The following PAK2 variants were observed in gnomAD, a reference collection of about 807,000 sequenced individuals.
PAK2 encodes the protein serine/threonine-protein kinase PAK 2.
Under a neutral mutation model 65.9 loss-of-function variants are expected in PAK2, and 21 were observed. The observed-to-expected ratio is 0.32, with a 90% CI of 0.23 to 0.46. PAK2 has a LOEUF of 0.46. Ranked by LOEUF, PAK2 falls within the 20% of genes least tolerant of loss-of-function variation. The pLI, the probability that PAK2 is intolerant of heterozygous loss-of-function variation, is 1.00. For missense variants in PAK2, 324 were observed against 642.6 expected, an observed-to-expected ratio of 0.50 and a Z score of 5.36; for synonymous variants, 204 against 219.7, an observed-to-expected ratio of 0.93 and a Z score of 0.63.
intron 1 of PAK2, among the ~76,000 whole-genome samples, chr3:196,769,479 C>T (rs759833619): frequency 1.3e-5 from 2 of 151,858 alleles, no homozygotes; most frequent in Non-Finnish European, 2.9e-5. Flanking sequence ...ACCATCACCA[C>T]CATCCTTTTC....
At chr3:196,810,716 T>G in intron 8 of PAK2, 63 bp downstream of exon 8, 1 of 870,204 alleles carries the variant, frequency 1.1e-6, no homozygotes, top group Non-Finnish European at 2.0e-6. Flanking sequence ...CTTTATAGCA[T>G]GATGTTTATT....
intron 8 of PAK2, among the ~76,000 whole-genome samples, chr3:196,811,275 C>CCCTTCCT (rs1715797640): frequency 1.3e-4 from 1 of 7,962 alleles, no homozygotes. Flanking sequence ...CTTCCCTTCC[C>CCCTTCCT]TCCCTTCCCT....
At chr3:196,746,046 C>G (rs969825252) in intron 1 of PAK2, among the ~76,000 whole-genome samples, 6 of 150,000 alleles carry the variant, frequency 4.0e-5, no homozygotes, top group African/African-American at 1.5e-4. Flanking sequence ...CCAGGATGGT[C>G]TCGATCTCCT....
At chr3:196,768,959 G>T (rs111453114) in intron 1 of PAK2, among the ~76,000 whole-genome samples, 3,045 of 151,888 alleles carry the variant, frequency 0.02, 154 homozygotes, top group African/African-American at 0.069. Flanking sequence ...GAGCCACCGT[G>T]CCCGGCCTAC....
chr3:196,821,864 C>T (rs948518230), intron 13 of PAK2, among the ~76,000 whole-genome samples: 1 of 152,170 alleles, frequency 6.6e-6, no homozygotes, highest in African/African-American at 2.4e-5. Context: ...GAATTAAAAT[C>T]ATACATCCAT....
intron 1 of PAK2, among the ~76,000 whole-genome samples, chr3:196,753,792 T>C (rs1460789050): frequency 6.6e-6 from 1 of 152,206 alleles, no homozygotes; most frequent in Non-Finnish European, 1.5e-5. Context: ...TTCCTTTTTC[T>C]TTTTTTAAAA....
chr3:196,769,831 AAAAG>A (rs1397172090), intron 1 of PAK2, among the ~76,000 whole-genome samples: 2 of 151,906 alleles, frequency 1.3e-5, no homozygotes, highest in Admixed American at 6.6e-5. Context: ...AAGAAAAAGA[AAAAG>A]AAAAAGAAAT....
At chr3:196,809,640 G>A (rs1282980155) in intron 7 of PAK2, among the ~76,000 whole-genome samples, 1 of 149,444 alleles carries the variant, frequency 6.7e-6, no homozygotes, top group African/African-American at 2.5e-5. Context: ...ATTATTTTAG[G>A]AGAGCTGCTA....
At chr3:196,740,467 C>T (rs11711813) in intron 1 of PAK2, among the ~76,000 whole-genome samples, 69,403 of 151,948 alleles carry the variant, frequency 0.46, 16,391 homozygotes, top group Non-Finnish European at 0.53. Context: ...GACTCTCGGT[C>T]TTCCCTCCCC....
rs1260875547 is a variant in PAK2 at position 196,749,073 on chromosome 3, G to T, written c.-22+8916G>T. ...TCATCTGTGTTGTAGCATGTCAGAA[G>T]TTCTTTTCTTTTTTTTTTGGGTGAA... On this transcript the variant is annotated intron_variant, in intron 1 of 14. Coordinates refer to ENST00000327134, the MANE Select transcript of PAK2 (RefSeq NM_002577.4). 5.7e-5 allele frequency among the ~76,000 whole-genome samples: 7 copies of T among 123,392 alleles called. 1 individual carries two copies. The highest frequency in any genetic ancestry group is 1.3e-4 in the Non-Finnish European group (7 of 53,148). The allele number at this position is 123,392 out of a possible 152,430, so 80.9% of individuals were successfully genotyped here.
chr3:196,769,914 TTCTG>T (rs1252644285), intron 1 of PAK2, among the ~76,000 whole-genome samples: 2 of 152,094 alleles, frequency 1.3e-5, no homozygotes, highest in East Asian at 3.8e-4. Flanking sequence ...TTATTCTACT[TTCTG>T]TCTATGAATT....
chr3:196,779,410 C>G (rs1280239481), intron 1 of PAK2, among the ~76,000 whole-genome samples: 1 of 152,176 alleles, frequency 6.6e-6, no homozygotes, highest in Non-Finnish European at 1.5e-5. Flanking sequence ...TTTCCCTTTC[C>G]CATGCCTAGA....
intron 2 of PAK2, among the ~76,000 whole-genome samples, chr3:196,786,193 C>T (rs1377761139): frequency 6.8e-6 from 1 of 146,318 alleles, no homozygotes; most frequent in Non-Finnish European, 1.5e-5. Flanking sequence ...GATGGAGTCT[C>T]ATTCTGTCAC....
intron 1 of PAK2, among the ~76,000 whole-genome samples, chr3:196,778,476 A>G (rs948697920): frequency 6.6e-6 from 1 of 152,154 alleles, no homozygotes; most frequent in Non-Finnish European, 1.5e-5. Context: ...TCCCTTTTTA[A>G]TAGAGTTTTT....
chr3:196,751,696 A>ACG (rs373145395), intron 1 of PAK2, among the ~76,000 whole-genome samples: 2 of 72,664 alleles, frequency 2.8e-5, no homozygotes, highest in Non-Finnish European at 5.0e-5. Flanking sequence ...TATATATATA[A>ACG]TTCAGGCTAT....
intron 2 of PAK2, among the ~76,000 whole-genome samples, chr3:196,785,782 G>T (rs555491667): frequency 3.3e-3 from 508 of 152,218 alleles, no homozygotes; most frequent in African/African-American, 0.012. Flanking sequence ...AGCAAGTCGC[G>T]TCCTACGTGG....
intron 1 of PAK2, among the ~76,000 whole-genome samples, chr3:196,758,430 C>A (rs949880738): frequency 2.0e-5 from 3 of 152,220 alleles, no homozygotes; most frequent in African/African-American, 7.2e-5. Context: ...TTTAGCACGA[C>A]ACGTCCCGTG....
chr3:196,767,060 T>C (rs1714193039), intron 1 of PAK2, among the ~76,000 whole-genome samples: 1 of 151,884 alleles, frequency 6.6e-6, no homozygotes, highest in Non-Finnish European at 1.5e-5. Context: ...TCACTTCATA[T>C]ATTATGGAGA....
At chr3:196,784,376 C>T (rs6808168) in intron 2 of PAK2, among the ~76,000 whole-genome samples, 1 of 94,496 alleles carries the variant, frequency 1.1e-5, no homozygotes, top group Admixed American at 1.1e-4. Flanking sequence ...TCCCTCCCCC[C>T]TCCCCCCACC....
Sources: allele counts gnomAD v4.1 joint callset (sites outside exome capture counted in the v4.1 genomes callset), GRCh38; gene constraint gnomAD v4.1.1; transcripts MANE v1.5; gene names NCBI Gene and HGNC (gene_info 2026-07-23, HGNC 2026-07-21).